The following PHLPP1 variants were observed in gnomAD, a reference collection of about 807,000 sequenced individuals.
The protein encoded by PHLPP1 is PH domain and leucine rich repeat protein phosphatase 1, also known as PH domain leucine-rich repeat-containing protein phosphatase 1.
Under a neutral mutation model 117.2 loss-of-function variants are expected in PHLPP1, and 42 were observed. The ratio of observed to expected loss-of-function variants is 0.36; its 90% CI spans 0.28 to 0.46. The LOEUF is 0.46. Ranked by LOEUF, PHLPP1 falls within the 20% of genes least tolerant of loss-of-function variation. The pLI is 1.00. For missense variants in PHLPP1, 2,084 were observed against 2,241.9 expected (o/e 0.93, Z 1.42); for synonymous variants, 1,042 against 970.7 (o/e 1.07, Z -1.37).
intron 3 of PHLPP1, among the ~76,000 whole-genome samples, chr18:62,841,639 CTG>C (rs1199923282): frequency 6.6e-6 from 1 of 152,014 alleles, no homozygotes; most frequent in Admixed American, 6.6e-5. Context: ...GCTTACTTTT[CTG>C]TGTTTTTCAT....
chr18:62,776,066 A>T (rs116580854), intron 1 of PHLPP1, among the ~76,000 whole-genome samples: 27,351 of 151,858 alleles, frequency 0.18, 3,159 homozygotes, highest in Non-Finnish European at 0.26. Context: ...AAAGAGATTT[A>T]AAAAAATATA....
At chr18:62,898,099 G>T (rs1006410171) in intron 6 of PHLPP1, among the ~76,000 whole-genome samples, 1 of 131,002 alleles carries the variant, frequency 7.6e-6, no homozygotes, top group African/African-American at 2.5e-5. Context: ...TGCCTTGGGG[G>T]TTGCATATAC....
intron 4 of PHLPP1, among the ~76,000 whole-genome samples, chr18:62,893,719 C>CT (rs1381201361): frequency 7.9e-5 from 12 of 152,144 alleles, no homozygotes; most frequent in Admixed American, 2.0e-4. Context: ...ATAACGCAGT[C>CT]ACTAATATGA....
At chr18:62,754,928 C>G (rs1911966261) in intron 1 of PHLPP1, among the ~76,000 whole-genome samples, 1 of 152,084 alleles carries the variant, frequency 6.6e-6, no homozygotes, top group African/African-American at 2.4e-5. Context: ...CCCAGGAGAT[C>G]AAGGCCTGGG....
chr18:62,978,963 G>A lies in PHLPP1; in HGVS notation c.4686G>A (p.Arg1562=), dbSNP rs1381245081. ...AGGGCGTCTTCACCAACGGCAGCCGGGTGGAGGTGGAGGTGGACATCCACT... is the reference window on the plus strand; with the variant it reads ...AGGGCGTCTTCACCAACGGCAGCCGAGTGGAGGTGGAGGTGGACATCCACT... ...PIEGVFTNGS[R]VEVEVDIHCS... is the part of the protein sequence containing the mutation. Residue 1562 remains arginine (R), a synonymous_variant, in exon 17 of 17, where the codon CGG becomes CGA. Transcript: ENST00000262719. This position sits in a 1 kb window ranked among gnomAD's most constrained non-coding sequence, Gnocchi z 7.0. 6.2e-7 allele frequency: 1 copy of A among 1,610,570 alleles called. No individual in the cohort carries two copies. Among genetic ancestry groups the A allele is most frequent in the Non-Finnish European group, 8.5e-7 (1 of 1,178,564 alleles).
At chr18:62,974,063 C>T (rs1458266672) in intron 15 of PHLPP1, among the ~76,000 whole-genome samples, 1 of 152,182 alleles carries the variant, frequency 6.6e-6, no homozygotes, top group African/African-American at 2.4e-5. Context: ...CAAACACATC[C>T]CTTCACAACC....
intron 1 of PHLPP1, among the ~76,000 whole-genome samples, chr18:62,755,581 G>A (rs1055421772): frequency 5.9e-5 from 9 of 152,134 alleles, no homozygotes; most frequent in African/African-American, 1.4e-4. Context: ...CTTCCACCCT[G>A]TGAGGATGCA....
rs746538503 is a variant in PHLPP1, at chr18:62,957,598, TTTTG to T, written c.3325-1015_3325-1012del. ...CATTTTACATGTTCTTTTCTTTGTT[TTTTG>T]TTTGTTTGTTTGTTTTCTGTTTTGT... On this transcript the variant is annotated intron_variant, in intron 12 of 16. Transcript: ENST00000262719. 2.0e-3 allele frequency among the ~76,000 whole-genome samples: 311 copies of T among 152,236 alleles called. 1 individual carries two copies. The highest frequency in any genetic ancestry group is 6.8e-3 in the Middle Eastern group (2 of 294).
At chr18:62,963,196 C>A (rs1910814857) in intron 13 of PHLPP1, among the ~76,000 whole-genome samples, 172 bp from the exon 14 acceptor site, 1 of 152,194 alleles carries the variant, frequency 6.6e-6, no homozygotes, top group Non-Finnish European at 1.5e-5. Flanking sequence ...GTTTTCATTA[C>A]AACGAGTAGC....
At chr18:62,731,213 A>T (rs1259745617) in intron 1 of PHLPP1, 1 of 151,506 alleles carries the variant, frequency 6.6e-6, no homozygotes, top group Non-Finnish European at 1.5e-5. Context: ...TTCATTGTTT[A>T]TAATTTTTTA....
intron 1 of PHLPP1, among the ~76,000 whole-genome samples, chr18:62,782,544 T>A (rs948111562): frequency 3.9e-5 from 6 of 152,250 alleles, no homozygotes; most frequent in African/African-American, 1.4e-4. Context: ...ACATATTATA[T>A]ACAAATTTAA....
chr18:62,790,218 CAGGAGGCT>C (rs1443137219), intron 1 of PHLPP1, among the ~76,000 whole-genome samples: 19 of 152,120 alleles, frequency 1.2e-4, no homozygotes, highest in Admixed American at 1.2e-3. Context: ...AACCTTGGGC[CAGGAGGCT>C]AGCGAAAAAA....
chr18:62,820,206 G>T (rs1914406678), intron 1 of PHLPP1, among the ~76,000 whole-genome samples: 2 of 152,030 alleles, frequency 1.3e-5, no homozygotes, highest in Admixed American at 1.3e-4. Context: ...ATCAAAAGCT[G>T]GTAGAACTGC....
At chr18:62,845,906 C>T (rs891339788) in intron 3 of PHLPP1, among the ~76,000 whole-genome samples, 3 of 152,100 alleles carry the variant, frequency 2.0e-5, no homozygotes, top group African/African-American at 4.8e-5. Flanking sequence ...ACAAGCCTAC[C>T]ATAGAATCTA....
At chr18:62,874,538 A>G (rs555603949) in intron 4 of PHLPP1, among the ~76,000 whole-genome samples, 1 of 152,254 alleles carries the variant, frequency 6.6e-6, no homozygotes, top group Admixed American at 6.5e-5. Flanking sequence ...GCAATTATTT[A>G]CCAAGTTTTT....
chr18:62,722,066 G>C (rs143970891), intron 1 of PHLPP1, among the ~76,000 whole-genome samples: 1 of 152,270 alleles, frequency 6.6e-6, no homozygotes, highest in East Asian at 1.9e-4. Context: ...GGTCCCCAGG[G>C]ATGTGTTAAA....
intron 1 of PHLPP1, among the ~76,000 whole-genome samples, chr18:62,810,918 C>T (rs550942883): frequency 6.6e-6 from 1 of 152,102 alleles, no homozygotes; most frequent in Admixed American, 6.6e-5. Flanking sequence ...CAGAATGTGA[C>T]CTTAGGGTCT....
chr18:62,775,724 T>G (rs2144272807), intron 1 of PHLPP1, among the ~76,000 whole-genome samples: 1 of 152,284 alleles, frequency 6.6e-6, no homozygotes, highest in African/African-American at 2.4e-5. Context: ...CAGTAAACTG[T>G]CATTTGAAGT....
chr18:62,814,114 G>A (rs1914199704), intron 1 of PHLPP1, among the ~76,000 whole-genome samples: 2 of 152,124 alleles, frequency 1.3e-5, no homozygotes, highest in Non-Finnish European at 2.9e-5. Context: ...AAGGTTCAGG[G>A]CATGACATTT....
Sources: allele counts gnomAD v4.1 joint callset (sites outside exome capture counted in the v4.1 genomes callset), GRCh38; gene constraint gnomAD v4.1.1; non-coding constraint Gnocchi (gnomAD v3.1); transcripts MANE v1.5; gene names NCBI Gene and HGNC (gene_info 2026-07-23, HGNC 2026-07-21).